XDH: variants seen among roughly 807,000 people sequenced by gnomAD.
XDH encodes the protein xanthine dehydrogenase/oxidase.
Under a neutral mutation model 156.1 loss-of-function variants are expected in XDH, and 138 were observed. That is an observed-to-expected ratio of 0.88 (90% CI 0.77 to 1.02). The LOEUF (loss-of-function observed/expected upper bound fraction) is 1.02, where lower values mean the gene tolerates loss of function less well. Among genes scored for constraint, XDH ranks in the 50% least tolerant of loss-of-function variants. XDH has a pLI of 0.00. For synonymous variants in XDH, 669 were observed against 625.7 expected (o/e 1.07, Z -1.03); for missense variants, 1,849 against 1,684.9 (o/e 1.10, Z -1.71).
At chr2:31,411,242 C>G (rs1687334093) in intron 1 of XDH, among the ~76,000 whole-genome samples, 1 of 149,506 alleles carries the variant, frequency 6.7e-6, no homozygotes, top group African/African-American at 2.5e-5. Context: ...GATCGCGCCA[C>G]TGCACTCCAG....
Position 31,395,555 on chromosome 2 carries a change from C to A in XDH, c.495+2113G>T, listed in dbSNP as rs566894704. Among the ~76,000 whole-genome samples, 4 of 152,296 alleles carry A rather than the reference C, an allele frequency of 2.6e-5. No homozygotes were observed. The East Asian group carries it at 7.7e-4, about 29-fold the overall frequency. ...TTTCTCCAACATTTACTGTGAGGAC[C>A]TGGTGGAGATCCTGGAGGTAAAACT... is the stretch of plus-strand genomic sequence containing the variant. On this transcript the variant is annotated intron_variant, in intron 6 of 35. Transcript: ENST00000379416.
chr2:31,365,717 G>A (rs1304314568), intron 22 of XDH, among the ~76,000 whole-genome samples, 173 bp from the exon 23 acceptor site: 1 of 152,196 alleles, frequency 6.6e-6, no homozygotes, highest in African/African-American at 2.4e-5. Context: ...GAGAATATAA[G>A]GAAGCGAGGT....
chr2:31,383,217 G>A, intron 10 of XDH, 65 bp from the exon 11 acceptor site: 2 of 1,610,720 alleles, frequency 1.2e-6, no homozygotes, highest in East Asian at 2.2e-5. Flanking sequence ...TTCATGCACA[G>A]CTCCTCTGAA....
chr2:31,368,456 C>G (rs1426154223), intron 19 of XDH, 85 bp downstream of exon 19: 3 of 1,560,708 alleles, frequency 1.9e-6, no homozygotes, highest in Non-Finnish European at 2.6e-6. Context: ...ACCTGCTGCT[C>G]AAATCCCCTC....
chr2:31,389,356 C>T (rs896675257), intron 6 of XDH, among the ~76,000 whole-genome samples: 8 of 152,180 alleles, frequency 5.3e-5, no homozygotes, highest in Admixed American at 2.0e-4. Flanking sequence ...CACCTGGACA[C>T]GCTGCTCCGT....
chr2:31,410,909 G>A (rs938152101), intron 1 of XDH, among the ~76,000 whole-genome samples: 9 of 152,142 alleles, frequency 5.9e-5, no homozygotes, highest in African/African-American at 1.9e-4. Context: ...GGGAAAATTG[G>A]AATACATTTG....
At chr2:31,404,441 A>G (rs1315454842) in intron 2 of XDH, among the ~76,000 whole-genome samples, 5 of 152,126 alleles carry the variant, frequency 3.3e-5, no homozygotes, top group Non-Finnish European at 7.4e-5. Context: ...AACTCCCATA[A>G]ATTGACTCTC....
chr2:31,378,564 C>T (rs1208134079), intron 13 of XDH, among the ~76,000 whole-genome samples: 1 of 152,144 alleles, frequency 6.6e-6, no homozygotes, highest in Admixed American at 6.5e-5. Context: ...GCTCAGCTTG[C>T]ATGTCATGTG....
chr2:31,385,131 G>A (rs1686551762), intron 9 of XDH, among the ~76,000 whole-genome samples: 1 of 152,112 alleles, frequency 6.6e-6, no homozygotes, highest in Admixed American at 6.5e-5. Flanking sequence ...ATGAGTTTGA[G>A]GTGAGCTATG....
rs555614494 is a variant in XDH at position 31,374,316 on chromosome 2, G to T, written c.1603-360C>A. 1.6e-3 allele frequency among the ~76,000 whole-genome samples: 247 copies of T among 152,310 alleles called. 2 individuals carry two copies. The highest frequency in any genetic ancestry group is 7.0e-3 in the South Asian group (34 of 4,828). On this transcript the variant is annotated intron_variant, in intron 15 of 35. Coordinates refer to ENST00000379416, the MANE Select transcript of XDH (RefSeq NM_000379.4). ...CTCAATTCTGTGGGAAGCATTTAAT[G>T]ATATGGAAAATGTTCACAATATAAT...
At chr2:31,373,804 G>A in intron 16 of XDH, 69 bp downstream of exon 16, 2 of 1,517,890 alleles carry the variant, frequency 1.3e-6, no homozygotes, top group East Asian at 2.3e-5. Context: ...TTAGCCGATG[G>A]TCAGCCACTA....
chr2:31,375,369 G>A lies in XDH; in HGVS notation c.1602+11C>T, dbSNP rs755673650. The A allele has an allele frequency of 7.4e-6, 12 of 1,614,030 alleles. No individual in the cohort carries two copies. The highest frequency in any genetic ancestry group is 1.0e-5 in the Non-Finnish European group (12 of 1,180,040). ...CTACAGAGAGCCTGTGCCTGGCCAG[G>A]CCCCACTCACGTCTTCCAGGTTCTC... On this transcript the variant is annotated intron_variant, in intron 15 of 35. Transcript: ENST00000379416.
intron 1 of XDH, among the ~76,000 whole-genome samples, chr2:31,410,898 T>C (rs1257760598): frequency 6.6e-6 from 1 of 152,194 alleles, no homozygotes; most frequent in Non-Finnish European, 1.5e-5. Context: ...ATGCCAGTAT[T>C]GGGAAAATTG....
intron 16 of XDH, among the ~76,000 whole-genome samples, chr2:31,373,001 T>C (rs1686119767): frequency 6.6e-6 from 1 of 152,258 alleles, no homozygotes; most frequent in Non-Finnish European, 1.5e-5. Flanking sequence ...GTTTTTGTTT[T>C]ACAAAGTAAT....
intron 1 of XDH, 140 bp downstream of exon 1, chr2:31,414,485 C>T (rs1687423692): frequency 4.0e-6 from 5 of 1,263,762 alleles, no homozygotes; most frequent in Middle Eastern, 1.9e-4. Flanking sequence ...AATGCAGCGA[C>T]ACCTTTAAAG....
At chr2:31,350,281 A>G (rs1198041605) in intron 24 of XDH, 58 bp from the exon 25 acceptor site, 1 of 1,599,074 alleles carries the variant, frequency 6.3e-7, no homozygotes, top group Non-Finnish European at 8.6e-7. Flanking sequence ...TTGGTTCCTC[A>G]AAGTAGGAAC....
chr2:31,376,592 A>G (rs1461979321), intron 14 of XDH, among the ~76,000 whole-genome samples: 1 of 149,624 alleles, frequency 6.7e-6, no homozygotes, highest in Non-Finnish European at 1.5e-5. Flanking sequence ...TAGTATTAGC[A>G]ATAGTAATAG....
chr2:31,360,150 C>A (rs1685738972), intron 24 of XDH, among the ~76,000 whole-genome samples: 1 of 152,198 alleles, frequency 6.6e-6, no homozygotes, highest in South Asian at 2.1e-4. Flanking sequence ...ACCAAGGAAG[C>A]CTTGGTCCAA....
At chr2:31,371,912 C>T (rs1441334047) in intron 17 of XDH, among the ~76,000 whole-genome samples, 1 of 152,234 alleles carries the variant, frequency 6.6e-6, no homozygotes, top group Non-Finnish European at 1.5e-5. Context: ...TTCACACTCT[C>T]TGGCTTGAAC....
Sources: allele counts gnomAD v4.1 joint callset (sites outside exome capture counted in the v4.1 genomes callset), GRCh38; gene constraint gnomAD v4.1.1; transcripts MANE v1.5; gene names NCBI Gene and HGNC (gene_info 2026-07-23, HGNC 2026-07-21).